TRAPPC10: variants seen among roughly 807,000 people sequenced by gnomAD.
TRAPPC10 encodes the protein TRAPP 130 kDa subunit.
Under a neutral mutation model 125.5 loss-of-function variants are expected in TRAPPC10, and 23 were observed. That is an observed-to-expected ratio of 0.18 (90% CI 0.13 to 0.26). TRAPPC10 has a LOEUF of 0.26. Ranked by LOEUF, TRAPPC10 falls within the 10% of genes least tolerant of loss-of-function variation. The probability of loss-of-function intolerance (pLI) is 1.00; values close to 1 mark genes in which losing one functional copy is unlikely to be tolerated. For synonymous variants in TRAPPC10, 509 were observed against 518.0 expected (o/e 0.98, Z 0.24); for missense variants, 1,123 against 1,308.4 (o/e 0.86, Z 2.19).
chr21:44,043,209 CTTT>C (rs34708259), intron 3 of TRAPPC10, among the ~76,000 whole-genome samples: 22,058 of 93,756 alleles, frequency 0.24, 2,503 homozygotes, highest in African/African-American at 0.51. Context: ...AATTATTACG[CTTT>C]TTTTTTTTTT....
At chr21:44,014,175 A>T (rs1305617338) in intron 1 of TRAPPC10, among the ~76,000 whole-genome samples, 1 of 152,244 alleles carries the variant, frequency 6.6e-6, no homozygotes, top group African/African-American at 2.4e-5. Context: ...TACATTTCTG[A>T]GGAGAAAGTT....
chr21:44,049,879 T>TTC (rs67224636), intron 3 of TRAPPC10, among the ~76,000 whole-genome samples: 2,718 of 75,372 alleles, frequency 0.036, 96 homozygotes, highest in South Asian at 0.16. Context: ...TCTTTCTTTC[T>TTC]TTTTTTTTTG....
At chr21:44,037,568 G>A (rs56085563) in intron 2 of TRAPPC10, among the ~76,000 whole-genome samples, 1,577 of 152,296 alleles carry the variant, frequency 0.01, 15 homozygotes, top group Non-Finnish European at 0.017. Context: ...TATCCTTGAG[G>A]AAAATGAAAG....
chr21:44,016,052 T>C (rs1427460895), intron 1 of TRAPPC10, among the ~76,000 whole-genome samples: 1 of 152,198 alleles, frequency 6.6e-6, no homozygotes, highest in East Asian at 1.9e-4. Flanking sequence ...GTATGTGAAA[T>C]GTGCAGGGAT....
intron 1 of TRAPPC10, among the ~76,000 whole-genome samples, chr21:44,026,626 T>C (rs2033101772): frequency 6.6e-6 from 1 of 152,268 alleles, no homozygotes; most frequent in Admixed American, 6.5e-5. Flanking sequence ...AAAGAATTAT[T>C]ATTTCTGCAA....
intron 1 of TRAPPC10, among the ~76,000 whole-genome samples, chr21:44,014,997 A>G (rs1300950377): frequency 1.3e-5 from 2 of 152,128 alleles, no homozygotes; most frequent in Non-Finnish European, 2.9e-5. Flanking sequence ...TCTTTCAGCT[A>G]TACATGTTTT....
intron 3 of TRAPPC10, among the ~76,000 whole-genome samples, chr21:44,043,602 A>G (rs112621455): frequency 0.01 from 1,540 of 152,182 alleles, 34 homozygotes; most frequent in African/African-American, 0.033. Flanking sequence ...CGAGTGTCCA[A>G]ATTTATTTTC....
intron 7 of TRAPPC10, among the ~76,000 whole-genome samples, chr21:44,072,091 A>G (rs1018956761): frequency 6.6e-6 from 1 of 152,240 alleles, no homozygotes; most frequent in African/African-American, 2.4e-5. Flanking sequence ...CTGTCGTTCA[A>G]GCTTACCAAA....
intron 3 of TRAPPC10, among the ~76,000 whole-genome samples, chr21:44,041,375 T>C (rs2034403942): frequency 6.6e-6 from 1 of 152,128 alleles, no homozygotes; most frequent in Non-Finnish European, 1.5e-5. Flanking sequence ...TAAGTGGTCT[T>C]TCTTTACTTT....
intron 12 of TRAPPC10, 45 bp from the exon 13 acceptor site, chr21:44,079,970 C>A (rs770296011): frequency 1.3e-6 from 2 of 1,551,190 alleles, no homozygotes; most frequent in Middle Eastern, 1.7e-4. Flanking sequence ...TCCCCCCGCA[C>A]TCCTAAGTAT....
chr21:44,091,166 G>A (rs1309295283), intron 18 of TRAPPC10, among the ~76,000 whole-genome samples: 1 of 152,202 alleles, frequency 6.6e-6, no homozygotes, highest in Non-Finnish European at 1.5e-5. Context: ...ACCCCAGCCT[G>A]GGCGACAAGA....
Position 44,074,319 on chromosome 21 carries a change from C to T in TRAPPC10, c.1039-5C>T, listed in dbSNP as rs557906343. ...CCTCACACGTTCGCATTTGCACCCC[C>T]ACAGGTCTCTGTCCCACCTGGTGCT... On this transcript the variant is annotated splice_polypyrimidine_tract_variant and splice_region_variant and intron_variant, in intron 7 of 22. Coordinates refer to ENST00000291574, the MANE Select transcript of TRAPPC10 (RefSeq NM_003274.5). 2.5e-6 allele frequency: 4 copies of T among 1,613,702 alleles called. No homozygotes were observed. The highest frequency in any genetic ancestry group is 3.4e-6 in the Non-Finnish European group (4 of 1,180,024).
In TRAPPC10 at chr21:44,078,112, T is replaced by C. The variant is rs932265924; in HGVS notation, c.1469+328T>C. 7.2e-5 allele frequency among the ~76,000 whole-genome samples: 11 copies of C among 152,190 alleles called. 1 individual carries two copies. The highest frequency in any genetic ancestry group is 1.6e-4 in the Non-Finnish European group (11 of 68,036). On this transcript the variant is annotated intron_variant, in intron 11 of 22. Coordinates refer to ENST00000291574, the MANE Select transcript of TRAPPC10 (RefSeq NM_003274.5). ...ATATAGATTCTTACATATTTTGTTA[T>C]ATAGCATTTCTCTAATTTTATCAAG... is the stretch of plus-strand genomic sequence containing the variant.
intron 7 of TRAPPC10, among the ~76,000 whole-genome samples, chr21:44,072,873 T>C (rs1304001685): frequency 6.6e-6 from 1 of 152,178 alleles, no homozygotes. Context: ...AGATGAAAAG[T>C]ATCCCAGATC....
intron 6 of TRAPPC10, among the ~76,000 whole-genome samples, chr21:44,060,946 A>ACACG (rs1394848659): frequency 2.8e-5 from 4 of 144,562 alleles, no homozygotes; most frequent in African/African-American, 1.0e-4. Context: ...ACACACACAC[A>ACACG]CTTTTTTTTT....
At position 44,070,868 on chromosome 21, in the gene TRAPPC10, C is replaced by G. The variant is rs534743812; in HGVS notation, c.1039-3456C>G. 3.9e-5 allele frequency among the ~76,000 whole-genome samples: 6 copies of G among 152,300 alleles called. No homozygotes were observed. In the East Asian group the frequency reaches 9.6e-4, roughly 24 times the overall value. On this transcript the variant is annotated intron_variant, in intron 7 of 22. Transcript: ENST00000291574. ...ACTGCCTGTGTTCTGCTGTGAGTAG[C>G]CTGGCGCACTTGGGCCTGGGGGCGT...
chr21:44,071,561 G>A (rs1289151413), intron 7 of TRAPPC10, among the ~76,000 whole-genome samples: 1 of 152,182 alleles, frequency 6.6e-6, no homozygotes, highest in East Asian at 1.9e-4. Flanking sequence ...TGTTACCTGG[G>A]GTTTGGGTGG....
chr21:44,025,964 CA>C (rs1377718754), intron 1 of TRAPPC10, among the ~76,000 whole-genome samples: 4 of 151,446 alleles, frequency 2.6e-5, no homozygotes, highest in African/African-American at 9.7e-5. Flanking sequence ...GATGACATGG[CA>C]GGGGGTGTAC....
Position 44,087,870 on chromosome 21 carries a change from A to C in TRAPPC10, c.2711A>C (p.His904Pro). ...GACATGCTGGGGATGGCAGAGCCCCACAGGAAGCATAAGGACAAACAGAGA... is the reference window on the plus strand; with the variant it reads ...GACATGCTGGGGATGGCAGAGCCCCCCAGGAAGCATAAGGACAAACAGAGA... The part of the protein sequence containing the change: ...ESDMLGMAEP[H>P]RKHKDKQRTG... Residue 904 changes from histidine (H) to proline (P), a missense_variant, in exon 17 of 23, where the codon CAC becomes CCC. Around this residue, in one of 4 missense-constraint regions of TRAPPC10, gnomAD observed 840 missense variants for 902.0 expected, o/e 0.93. Transcript: ENST00000291574. The surrounding 1 kb of genome is among the most constrained non-coding windows in gnomAD (Gnocchi z 4.6). The C allele has an allele frequency of 6.2e-7, 1 of 1,614,212 alleles. No homozygotes were observed. The highest frequency in any genetic ancestry group is 1.1e-5 in the South Asian group (1 of 91,090).
Sources: gnomAD v4.1 joint callset for allele counts (sites outside exome capture counted in the v4.1 genomes callset) on GRCh38, gnomAD v4.1.1 for gene constraint, gnomAD v4.1.1 regional missense constraint, Gnocchi (gnomAD v3.1) non-coding constraint, MANE v1.5 for transcripts, NCBI Gene and HGNC (gene_info 2026-07-23, HGNC 2026-07-21) for gene names.